Variants in CCDC30 observed in about 807,000 individuals in gnomAD.
CCDC30 encodes coiled-coil domain-containing protein 30.
CCDC30 carries 70 observed loss-of-function variants against 100.2 expected under a neutral mutation model. The observed-to-expected ratio is 0.70, with a 90% CI of 0.58 to 0.85. The LOEUF is 0.85. Ranked by LOEUF, CCDC30 falls within the 40% of genes least tolerant of loss-of-function variation. The pLI is 0.00. For missense variants in CCDC30, 652 were observed against 771.2 expected (o/e 0.85, Z 1.83); for synonymous variants, 233 against 269.5 (o/e 0.86, Z 1.33).
chr1:42,557,746 A>G (rs1645401633), intron 6 of CCDC30, among the ~76,000 whole-genome samples: 1 of 121,526 alleles, frequency 8.2e-6, no homozygotes, highest in Non-Finnish European at 1.8e-5. Context: ...ATTTTAAAAT[A>G]TTAAAAGCTG....
intron 6 of CCDC30, among the ~76,000 whole-genome samples, chr1:42,552,528 C>T (rs888052222): frequency 2.6e-5 from 4 of 152,030 alleles, no homozygotes; most frequent in African/African-American, 9.7e-5. Context: ...GAGACACCTT[C>T]ATATATATTA....
chr1:42,559,513 A>G (rs1645442278), intron 6 of CCDC30, among the ~76,000 whole-genome samples: 1 of 152,222 alleles, frequency 6.6e-6, no homozygotes, highest in Non-Finnish European at 1.5e-5. Flanking sequence ...GACAAAACAG[A>G]CTTTAAACCA....
At chr1:42,587,740 C>T (rs535138049) in intron 9 of CCDC30, among the ~76,000 whole-genome samples, 1 of 152,248 alleles carries the variant, frequency 6.6e-6, no homozygotes, top group East Asian at 1.9e-4. Context: ...GAGACTTTTG[C>T]CCACCAGTAC....
intron 10 of CCDC30, among the ~76,000 whole-genome samples, chr1:42,598,307 A>G (rs1249009729): frequency 6.6e-6 from 1 of 151,862 alleles, no homozygotes; most frequent in African/African-American, 2.4e-5. Context: ...TCTTGAGCGA[A>G]GGAGTTCAAG....
At chr1:42,655,795 G>A (rs1648637064), downstream of CCDC30, among the ~76,000 whole-genome samples, 2 of 151,056 alleles carry the variant, frequency 1.3e-5, no homozygotes, top group Admixed American at 6.6e-5. Context: ...GAACAGTACT[G>A]CTCAGTATCT....
intron 6 of CCDC30, among the ~76,000 whole-genome samples, chr1:42,500,020 A>T (rs1285652070): frequency 6.6e-6 from 1 of 152,182 alleles, no homozygotes; most frequent in Admixed American, 6.5e-5. Flanking sequence ...TGCCAGCCAG[A>T]TAGACAGATG....
chr1:42,613,924 C>CCG (rs10645976), intron 11 of CCDC30, among the ~76,000 whole-genome samples: 2,646 of 152,206 alleles, frequency 0.017, 68 homozygotes, highest in African/African-American at 0.06. Flanking sequence ...TTTTACCCAG[C>CCG]TTATTCAACA....
the CCDC30 span, chr1:42,456,602 C>A: frequency 4.0e-6 from 6 of 1,514,048 alleles, no homozygotes; most frequent in Non-Finnish European, 5.3e-6. Flanking sequence ...GTTCCCCCAG[C>A]CTCCCGGTGC....
chr1:42,647,784 C>CT (rs1648007511), intron 15 of CCDC30, among the ~76,000 whole-genome samples: 2 of 152,072 alleles, frequency 1.3e-5, no homozygotes, highest in African/African-American at 4.8e-5. Flanking sequence ...TTGGAAACTA[C>CT]ACAAACACAT....
intron 6 of CCDC30, among the ~76,000 whole-genome samples, chr1:42,560,663 C>T (rs72659989): frequency 2.7e-4 from 41 of 151,928 alleles, no homozygotes; most frequent in Middle Eastern, 3.4e-3. Context: ...CCACTGCACC[C>T]GGCCCAGGAG....
chr1:42,501,324 T>C (rs1000672229), intron 6 of CCDC30, among the ~76,000 whole-genome samples: 3 of 152,252 alleles, frequency 2.0e-5, no homozygotes, highest in Non-Finnish European at 4.4e-5. Context: ...ATTAAAAACA[T>C]TTATAAAGAT....
At chr1:42,550,557 G>C (rs1032345386) in intron 6 of CCDC30, among the ~76,000 whole-genome samples, 5 of 152,090 alleles carry the variant, frequency 3.3e-5, no homozygotes, top group Non-Finnish European at 7.4e-5. Flanking sequence ...GCACTAAAAG[G>C]TTCCCCTGTT....
intron 11 of CCDC30, among the ~76,000 whole-genome samples, chr1:42,629,967 C>CTTT (rs1647004846): frequency 2.4e-5 from 3 of 124,468 alleles, no homozygotes; most frequent in African/African-American, 9.9e-5. Context: ...ATATGTCCCC[C>CTTT]TATTTTTTTT....
intron 11 of CCDC30, among the ~76,000 whole-genome samples, chr1:42,617,264 T>C (rs962257095): frequency 6.6e-6 from 1 of 152,066 alleles, no homozygotes; most frequent in Non-Finnish European, 1.5e-5. Flanking sequence ...CGAAGTGAGA[T>C]CTCGTCTCTA....
In CCDC30 at chr1:42,621,570, G is replaced by A. The variant is rs531310756; in HGVS notation, c.1277+10480G>A. ...TCTGTGGTCTAGGCTGGAGTGCAGT[G>A]GCGTGATCTCTGCTCACTGCAAGCT... On this transcript the variant is annotated intron_variant, in intron 11 of 16. Transcript: ENST00000668663. 1.5e-3 allele frequency among the ~76,000 whole-genome samples: 227 copies of A among 151,862 alleles called. 1 individual carries two copies. Among genetic ancestry groups the A allele is most frequent in the Non-Finnish European group, 2.5e-3 (170 of 67,934 alleles).
At chr1:42,518,004 C>CA in intron 6 of CCDC30, among the ~76,000 whole-genome samples, 1 of 151,952 alleles carries the variant, frequency 6.6e-6, no homozygotes, top group Non-Finnish European at 1.5e-5. Context: ...TTTATTTCTG[C>CA]AAAAAATATT....
chr1:42,504,166 TGCTATTGTTTGTG>T (rs1644362615), intron 6 of CCDC30, among the ~76,000 whole-genome samples: 1 of 152,266 alleles, frequency 6.6e-6, no homozygotes, highest in Non-Finnish European at 1.5e-5. Context: ...AGATCGCTCA[TGCTATTGTTTGTG>T]GCTTAAGAAT....
chr1:42,635,538 G>A (rs1254485625), intron 11 of CCDC30, among the ~76,000 whole-genome samples: 1 of 152,006 alleles, frequency 6.6e-6, no homozygotes, highest in Non-Finnish European at 1.5e-5. Flanking sequence ...GGCCAGATGT[G>A]GTGGCTGGCG....
At chr1:42,467,220 A>G (rs1643618837) in intron 1 of CCDC30, among the ~76,000 whole-genome samples, 1 of 152,236 alleles carries the variant, frequency 6.6e-6, no homozygotes, top group Admixed American at 6.5e-5. Context: ...CATGAAAGCA[A>G]CAAGAAGGTT....
Sources: gnomAD v4.1 joint callset for allele counts (sites outside exome capture counted in the v4.1 genomes callset) on GRCh38, gnomAD v4.1.1 for gene constraint, MANE v1.5 for transcripts, NCBI Gene and HGNC (gene_info 2026-07-23, HGNC 2026-07-21) for gene names.